RAD54L2: variants seen among roughly 807,000 people sequenced by gnomAD.
The protein encoded by RAD54L2 is RAD54 like 2.
A neutral mutation model predicts 138.4 loss-of-function variants in RAD54L2; 27 were observed. The observed-to-expected ratio is 0.20, with a 90% CI of 0.14 to 0.27. RAD54L2 has a LOEUF of 0.27. Ranked by LOEUF, RAD54L2 falls within the 10% of genes least tolerant of loss-of-function variation. The pLI is 1.00. For synonymous variants in RAD54L2, 644 were observed against 723.2 expected, an observed-to-expected ratio of 0.89 and a Z score of 1.76; for missense variants, 1,396 against 1,890.2, an observed-to-expected ratio of 0.74 and a Z score of 4.85.
intron 2 of RAD54L2, among the ~76,000 whole-genome samples, chr3:51,579,543 C>A (rs964797659): frequency 1.3e-5 from 2 of 152,124 alleles, no homozygotes; most frequent in Non-Finnish European, 2.9e-5. Flanking sequence ...ATATGGAAAA[C>A]AGTATCTGAA....
chr3:51,561,605 A>C (rs1577389280), intron 2 of RAD54L2, among the ~76,000 whole-genome samples: 2 of 148,512 alleles, frequency 1.3e-5, no homozygotes, highest in Non-Finnish European at 1.5e-5. Context: ...TCTTTTGCCC[A>C]CCCTGGAGTG....
Position 51,639,493 on chromosome 3 carries a change from G to A in RAD54L2, c.1935G>A (p.Val645=), listed in dbSNP as rs1187354792. The change falls in exon 13 of 23, where the codon GTG becomes GTA. Residue 645 remains valine (V), a synonymous_variant. Transcript: ENST00000684192. ...ESLANEQDLD[V]EELGSAGTSA... is the part of the protein sequence containing the mutation. ...TGGCCAATGAGCAGGACCTAGACGT[G>A]GAAGAACTTGGCTCTGCAGGGACCA... 6.2e-7 allele frequency: 1 copy of A among 1,613,872 alleles called. No individual in the cohort carries two copies. The highest frequency in any genetic ancestry group is 8.5e-7 in the Non-Finnish European group (1 of 1,179,902).
intron 15 of RAD54L2, among the ~76,000 whole-genome samples, chr3:51,643,185 C>T (rs1169421118): frequency 1.3e-5 from 2 of 152,146 alleles, no homozygotes; most frequent in Non-Finnish European, 2.9e-5. Flanking sequence ...CAGGCACAGG[C>T]CACCATGCCC....
At chr3:51,649,168 A>G (rs1275775312) in intron 19 of RAD54L2, among the ~76,000 whole-genome samples, 2 of 152,044 alleles carry the variant, frequency 1.3e-5, no homozygotes, top group Non-Finnish European at 2.9e-5. Context: ...CATAAGCTTC[A>G]GTAGCCAATT....
Position 51,598,638 on chromosome 3 carries a change from C to T in RAD54L2, c.139+8079C>T, listed in dbSNP as rs1700021622. Among the ~76,000 whole-genome samples, 4 of 152,084 alleles carry T rather than the reference C, an allele frequency of 2.6e-5. No homozygotes were observed. In the South Asian group the frequency reaches 8.3e-4, roughly 31 times the overall value. ...GGGCATGGTGGTGCACGCCTGTAAT[C>T]CCAGCTACTCGGGAGGCTGAGGCAG... On this transcript the variant is annotated intron_variant, in intron 3 of 22. Transcript: ENST00000684192.
At chr3:51,608,580 C>T (rs1448348324) in intron 3 of RAD54L2, among the ~76,000 whole-genome samples, 1 of 152,230 alleles carries the variant, frequency 6.6e-6, no homozygotes. Context: ...ATCCCGGCAC[C>T]TCGGGAGGCT....
chr3:51,616,498 G>A (rs779214704), intron 3 of RAD54L2, among the ~76,000 whole-genome samples: 1 of 152,050 alleles, frequency 6.6e-6, no homozygotes, highest in East Asian at 1.9e-4. Context: ...ATGACTGTTG[G>A]TTGTATACAT....
At chr3:51,571,661 C>G (rs1208531624) in intron 2 of RAD54L2, among the ~76,000 whole-genome samples, 1 of 152,054 alleles carries the variant, frequency 6.6e-6, no homozygotes. Context: ...AACCACCATG[C>G]CTGTCCTCAA....
Position 51,581,369 on chromosome 3 carries a change from A to T in RAD54L2, c.-54-8998A>T, listed in dbSNP as rs139154283. Among the ~76,000 whole-genome samples the T allele has an allele frequency of 4.5e-3, 686 of 152,288 alleles. 4 individuals are homozygous for T. Among genetic ancestry groups the T allele is most frequent in the African/African-American group, 0.016 (659 of 41,560 alleles). ...CACCTCGGCCTCCCAAAGTGCAGGG[A>T]TTACAGGCGTGAGGCACTGTGCCTA... is the stretch of plus-strand genomic sequence containing the variant. On this transcript the variant is annotated intron_variant, in intron 2 of 22. Transcript: ENST00000684192.
chr3:51,567,811 A>C (rs1001767899), intron 2 of RAD54L2, among the ~76,000 whole-genome samples: 6 of 151,996 alleles, frequency 3.9e-5, no homozygotes, highest in Non-Finnish European at 8.8e-5. Flanking sequence ...GTCATATCCA[A>C]GCTAGCACAA....
Position 51,634,358 on chromosome 3 carries a change from A to ATT in RAD54L2, c.1142+351_1142+352dup, listed in dbSNP as rs61565460. ...AAACAATGGATCTTTCCACTGTCTG[A>ATT]TTTTTTTTTTTTTTTTTTTTTTTTT... On this transcript the variant is annotated intron_variant, in intron 9 of 22. Transcript: ENST00000684192. Among the ~76,000 whole-genome samples, 360 of 94,962 alleles carry ATT rather than the reference A, an allele frequency of 3.8e-3. 54 individuals carry two copies. Among genetic ancestry groups the ATT allele is most frequent in the Non-Finnish European group, 4.9e-3 (242 of 49,068 alleles). The allele number at this position is 94,962 out of a possible 152,430, so 62.3% of individuals were successfully genotyped here.
chr3:51,544,294 C>A (rs1698630791), intron 2 of RAD54L2, among the ~76,000 whole-genome samples: 3 of 152,174 alleles, frequency 2.0e-5, no homozygotes, highest in Admixed American at 2.0e-4. Context: ...CTGATCCTGG[C>A]TGAAGCAGTA....
At chr3:51,617,832 A>G (rs1251110407) in intron 3 of RAD54L2, among the ~76,000 whole-genome samples, 1 of 152,244 alleles carries the variant, frequency 6.6e-6, no homozygotes, top group Non-Finnish European at 1.5e-5. Flanking sequence ...TGAGTGAGCC[A>G]TGATTGTGCC....
intron 2 of RAD54L2, among the ~76,000 whole-genome samples, chr3:51,551,510 A>G (rs1325147002): frequency 6.6e-6 from 1 of 150,904 alleles, no homozygotes; most frequent in South Asian, 2.1e-4. Context: ...ATCTCGGCTC[A>G]CTGCAACCTC....
rs923152294 is a variant in RAD54L2, at chr3:51,666,314, G to A, written c.*2894G>A. 2.0e-5 allele frequency: 3 copies of A among 150,446 alleles called. No homozygotes were observed. Among genetic ancestry groups the A allele is most frequent in the African/African-American group, 7.3e-5 (3 of 40,894 alleles). 9.3% of individuals were successfully genotyped at this position (150,446 alleles called of 1,614,324 possible). A position where few individuals can be genotyped will look rare whatever the true frequency, so the allele number is the denominator to read the frequency against. The stretch of plus-strand genomic sequence containing the variant: ...AAACATAAGCATGTTTGTGAGGGAA[G>A]CAGGAAGTATCTCAGAGCCTAAGAA... On this transcript the variant is annotated 3_prime_UTR_variant, in exon 23 of 23. Coordinates refer to ENST00000684192, the MANE Select transcript of RAD54L2 (RefSeq NM_015106.4).
Position 51,601,527 on chromosome 3 carries a change from C to T in RAD54L2, c.139+10968C>T, listed in dbSNP as rs554482770. ...TTCACCATGTTGGTTAGGCTGGTCTCGAACTTGTGACCTCGTGATCCGCCC... is the reference window on the plus strand; with the variant it reads ...TTCACCATGTTGGTTAGGCTGGTCTTGAACTTGTGACCTCGTGATCCGCCC... On this transcript the variant is annotated intron_variant, in intron 3 of 22. Transcript: ENST00000684192. Among the ~76,000 whole-genome samples the T allele has an allele frequency of 2.7e-5, 4 of 145,960 alleles. No homozygotes were observed. In the East Asian group the frequency reaches 8.4e-4, roughly 31 times the overall value.
At chr3:51,624,450 G>A (rs1279630608) in intron 3 of RAD54L2, among the ~76,000 whole-genome samples, 1 of 151,758 alleles carries the variant, frequency 6.6e-6, no homozygotes, top group Non-Finnish European at 1.5e-5. Flanking sequence ...TTGAGAGATG[G>A]GGTTTTGCTA....
rs1700532386 is a variant in RAD54L2, at chr3:51,620,021, T to C, written c.140-7532T>C. On this transcript the variant is annotated intron_variant, in intron 3 of 22. Coordinates refer to ENST00000684192, the MANE Select transcript of RAD54L2 (RefSeq NM_015106.4). ...GTGCAGAGTTTTTGGCACACAGACATCGTAGCTTGTAGTGTGTGCATCCAG... is the reference window on the plus strand; with the variant it reads ...GTGCAGAGTTTTTGGCACACAGACACCGTAGCTTGTAGTGTGTGCATCCAG... Among the ~76,000 whole-genome samples, 3 of 152,264 alleles carry C rather than the reference T, an allele frequency of 2.0e-5. No individual in the cohort carries two copies. In the South Asian group the frequency reaches 6.2e-4, roughly 32 times the overall value.
intron 3 of RAD54L2, among the ~76,000 whole-genome samples, chr3:51,611,862 C>G (rs2106760413): frequency 6.6e-6 from 1 of 152,124 alleles, no homozygotes; most frequent in South Asian, 2.1e-4. Flanking sequence ...GGCCTACCTT[C>G]TCTCCTTTCA....
Sources: gnomAD v4.1 joint callset for allele counts (sites outside exome capture counted in the v4.1 genomes callset) on GRCh38, gnomAD v4.1.1 for gene constraint, MANE v1.5 for transcripts, NCBI Gene and HGNC (gene_info 2026-07-23, HGNC 2026-07-21) for gene names.